MEI1: variants seen among roughly 807,000 people sequenced by gnomAD.
MEI1 encodes the protein meiosis inhibitor protein 1.
MEI1 carries 103 observed loss-of-function variants against 146.2 expected under a neutral mutation model. That is an observed-to-expected ratio of 0.70 (90% CI 0.60 to 0.83). The LOEUF (loss-of-function observed/expected upper bound fraction) is 0.83, where lower values mean the gene tolerates loss of function less well. MEI1 is among the 40% of genes least tolerant of loss of function. The pLI, the probability that MEI1 is intolerant of heterozygous loss-of-function variation, is 0.00. For missense variants in MEI1, 1,529 were observed against 1,533.0 expected, an observed-to-expected ratio of 1.00 and a Z score of 0.04; for synonymous variants, 652 against 628.2, an observed-to-expected ratio of 1.04 and a Z score of -0.57.
intron 6 of MEI1, among the ~76,000 whole-genome samples, chr22:41,719,910 T>C (rs1258648347): frequency 6.6e-6 from 1 of 152,192 alleles, no homozygotes; most frequent in Admixed American, 6.5e-5. Context: ...AGTCTATTGG[T>C]GACAGCAGCT....
At position 41,763,280 on chromosome 22, in the gene MEI1, CTGCT is replaced by C; in HGVS notation, c.2231_2234del (p.Leu744GlnfsTer22). 6.2e-7 allele frequency: 1 copy of C among 1,614,022 alleles called. No homozygotes were observed. Among genetic ancestry groups the C allele is most frequent in the Non-Finnish European group, 8.5e-7 (1 of 1,179,890 alleles). ...GGTGGTCTTCAAAGCCTCCATCTAT[CTGCT>C]TGCAATCTGCCAGGACAAAGACAAT... On this transcript the variant is annotated frameshift_variant, in exon 19 of 31. Transcript: ENST00000401548. LOFTEE classifies it high-confidence loss of function.
intron 3 of MEI1, among the ~76,000 whole-genome samples, chr22:41,712,244 TG>T (rs1391019284): frequency 0.01 from 1,556 of 150,360 alleles, 40 homozygotes; most frequent in Admixed American, 0.05. Flanking sequence ...TTTGTTTGTT[TG>T]TTTCTTTGAT....
chr22:41,727,106 T>C (rs977793225), intron 7 of MEI1, among the ~76,000 whole-genome samples: 1 of 151,984 alleles, frequency 6.6e-6, no homozygotes, highest in Non-Finnish European at 1.5e-5. Flanking sequence ...GTCTGACAAG[T>C]AGGAAGGCTG....
At position 41,732,378 on chromosome 22, in the gene MEI1, G is replaced by A. The variant is rs764618704; in HGVS notation, c.1196+34G>A. ...AGTGGTGGAACATGAGGCTTGTAGG[G>A]GCCAGACTGCAGAAGGAAAAGTGGG... is the stretch of plus-strand genomic sequence containing the variant. On this transcript the variant is annotated intron_variant, in intron 10 of 30. Coordinates refer to ENST00000401548, the MANE Select transcript of MEI1 (RefSeq NM_152513.4). 2.5e-5 allele frequency: 41 copies of A among 1,613,328 alleles called. 1 individual carries two copies. In the Admixed American group the frequency reaches 6.5e-4, roughly 26 times the overall value.
chr22:41,711,236 G>A (rs900464738), intron 3 of MEI1, among the ~76,000 whole-genome samples: 6 of 151,876 alleles, frequency 4.0e-5, no homozygotes, highest in Non-Finnish European at 5.9e-5. Context: ...GCAGTGGCGC[G>A]ATCTCGGCTC....
intron 1 of MEI1, 40 bp from the exon 2 acceptor site, chr22:41,703,291 A>T: frequency 6.2e-7 from 1 of 1,601,204 alleles, no homozygotes; most frequent in Non-Finnish European, 8.5e-7. Flanking sequence ...AATAGCCAAA[A>T]TTTGGTTGCT....
chr22:41,762,065 G>T (rs1211727743), intron 18 of MEI1, among the ~76,000 whole-genome samples: 2 of 152,076 alleles, frequency 1.3e-5, no homozygotes. Flanking sequence ...CCACCTTTTG[G>T]CTATTGTGAA....
At chr22:41,768,960 T>C (rs2075015809) in intron 19 of MEI1, among the ~76,000 whole-genome samples, 1 of 152,244 alleles carries the variant, frequency 6.6e-6, no homozygotes, top group African/African-American at 2.4e-5. Flanking sequence ...ACTGCATTCA[T>C]GAATTGGAAG....
At chr22:41,724,882 C>T (rs1305751959) in intron 7 of MEI1, among the ~76,000 whole-genome samples, 1 of 151,860 alleles carries the variant, frequency 6.6e-6, no homozygotes, top group African/African-American at 2.4e-5. Flanking sequence ...CGGCTCACTG[C>T]AGCCTCAACC....
intron 6 of MEI1, among the ~76,000 whole-genome samples, chr22:41,723,088 A>G (rs2071011481): frequency 6.6e-6 from 1 of 152,196 alleles, no homozygotes; most frequent in Non-Finnish European, 1.5e-5. Flanking sequence ...TTCAGCTTAA[A>G]TGGTACTTGC....
intron 26 of MEI1, among the ~76,000 whole-genome samples, chr22:41,788,212 A>G (rs1055832232): frequency 2.0e-5 from 3 of 151,952 alleles, no homozygotes; most frequent in Non-Finnish European, 4.4e-5. Context: ...TATTTTTAGT[A>G]GACATGAGGT....
At chr22:41,783,325 T>C (rs949354524) in intron 24 of MEI1, among the ~76,000 whole-genome samples, 12 of 151,936 alleles carry the variant, frequency 7.9e-5, no homozygotes, top group African/African-American at 2.4e-4. Flanking sequence ...AAAGTTTTGC[T>C]CTAGTTGCCC....
chr22:41,760,764 G>A (rs1395217638), intron 18 of MEI1, among the ~76,000 whole-genome samples: 1 of 152,230 alleles, frequency 6.6e-6, no homozygotes, highest in African/African-American at 2.4e-5. Flanking sequence ...GGCAGGGGCT[G>A]CATGCACCGG....
chr22:41,769,682 G>A (rs1000138613), intron 19 of MEI1, among the ~76,000 whole-genome samples: 8 of 151,028 alleles, frequency 5.3e-5, no homozygotes, highest in Non-Finnish European at 1.2e-4. Flanking sequence ...ATGTTGGCCA[G>A]GCTGGTCTCA....
chr22:41,762,049 G>A (rs2074526351), intron 18 of MEI1, among the ~76,000 whole-genome samples: 1 of 152,126 alleles, frequency 6.6e-6, no homozygotes, highest in South Asian at 2.1e-4. Flanking sequence ...GGACATTTGG[G>A]CCTATCCACC....
At chr22:41,732,065 A>G (rs999606832) in intron 9 of MEI1, among the ~76,000 whole-genome samples, 180 bp from the exon 10 acceptor site, 2 of 152,146 alleles carry the variant, frequency 1.3e-5, no homozygotes, top group Non-Finnish European at 2.9e-5. Flanking sequence ...GATGAATCAG[A>G]TGAGGGCCCG....
rs779589520 is a variant in MEI1 at position 41,758,476 on chromosome 22, G to T, written c.2063G>T (p.Arg688Leu). 1.9e-6 allele frequency: 3 copies of T among 1,613,788 alleles called. No individual in the cohort carries two copies. Among genetic ancestry groups the T allele is most frequent in the East Asian group, 4.5e-5 (2 of 44,850 alleles). Reference protein sequence around the residue: ...SDRQYMEGAARQRQYCILLLF... With the variant: ...SDRQYMEGAALQRQYCILLLF... Reference sequence around the variant, plus strand: ...CGCCAGTACATGGAGGGAGCTGCTCGCCAGAGACAGTACTGCATCCTGCTC... The same window carrying T: ...CGCCAGTACATGGAGGGAGCTGCTCTCCAGAGACAGTACTGCATCCTGCTC... Residue 688 changes from arginine to leucine, a missense_variant, in exon 18 of 31, where the codon CGC becomes CTC. Physicochemically the swap from Arg to Leu is moderately radical, Grantham distance 102. Around this residue, in one of 3 missense-constraint regions of MEI1, gnomAD observed 1,212 missense variants for 1,178.9 expected, o/e 1.03. Coordinates refer to ENST00000401548, the MANE Select transcript of MEI1 (RefSeq NM_152513.4).
intron 9 of MEI1, among the ~76,000 whole-genome samples, chr22:41,731,720 T>A (rs1055120094): frequency 3.3e-5 from 5 of 152,170 alleles, no homozygotes; most frequent in African/African-American, 1.2e-4. Flanking sequence ...ATATTCCTAG[T>A]TTATGCCAGG....
At chr22:41,707,024 CT>C (rs1427021133) in intron 3 of MEI1, among the ~76,000 whole-genome samples, 2 of 86,580 alleles carry the variant, frequency 2.3e-5, no homozygotes, top group African/African-American at 7.5e-5. Context: ...AACCCCATCT[CT>C]ACCAAAAAAA....
Sources: gnomAD v4.1 joint callset for allele counts (sites outside exome capture counted in the v4.1 genomes callset) on GRCh38, gnomAD v4.1.1 for gene constraint, gnomAD v4.1.1 regional missense constraint, MANE v1.5 for transcripts, NCBI Gene and HGNC (gene_info 2026-07-23, HGNC 2026-07-21) for gene names.